USH2A: variants seen among roughly 807,000 people sequenced by gnomAD.
USH2A encodes the protein Usher syndrome 2A (autosomal recessive, mild).
A neutral mutation model predicts 538.9 loss-of-function variants in USH2A; 443 were observed. That is an observed-to-expected ratio of 0.82 (90% CI 0.76 to 0.89). The LOEUF is 0.89. USH2A is among the 40% of genes least tolerant of loss of function. The pLI is 0.00. For missense variants in USH2A, 6,633 were observed against 6,324.8 expected, an observed-to-expected ratio of 1.05 and a Z score of -1.65; for synonymous variants, 2,413 against 2,273.5, an observed-to-expected ratio of 1.06 and a Z score of -1.75.
intron 20 of USH2A, among the ~76,000 whole-genome samples, chr1:216,182,825 G>C (rs1017747674): frequency 6.6e-6 from 1 of 151,996 alleles, no homozygotes; most frequent in African/African-American, 2.4e-5. Flanking sequence ...TTTTCCAAAA[G>C]CTGCCAGATC....
intron 58 of USH2A, among the ~76,000 whole-genome samples, chr1:215,758,198 T>G (rs1006393179): frequency 2.0e-5 from 3 of 151,710 alleles, no homozygotes; most frequent in African/African-American, 7.3e-5. Flanking sequence ...AGGCAGGAGA[T>G]TTGTTTGAAC....
intron 35 of USH2A, among the ~76,000 whole-genome samples, chr1:215,979,162 C>T (rs945521724): frequency 6.6e-6 from 1 of 152,124 alleles, no homozygotes; most frequent in Non-Finnish European, 1.5e-5. Flanking sequence ...GGGAACTCCC[C>T]TTTATAAAAC....
At chr1:216,029,000 G>C (rs1669031567) in intron 32 of USH2A, among the ~76,000 whole-genome samples, 1 of 151,746 alleles carries the variant, frequency 6.6e-6, no homozygotes, top group Non-Finnish European at 1.5e-5. Flanking sequence ...ATAAAATTGT[G>C]GACAATTTGA....
intron 64 of USH2A, among the ~76,000 whole-genome samples, chr1:215,666,148 T>C (rs1321167077): frequency 6.6e-6 from 1 of 152,216 alleles, no homozygotes; most frequent in Non-Finnish European, 1.5e-5. Flanking sequence ...CTGGAAGCTA[T>C]GCTGAAATGA....
chr1:216,112,184 T>A (rs1402591887), intron 21 of USH2A, among the ~76,000 whole-genome samples: 1 of 152,084 alleles, frequency 6.6e-6, no homozygotes, highest in Non-Finnish European at 1.5e-5. Context: ...CTGGAATGAA[T>A]CCCCAAACAT....
intron 38 of USH2A, among the ~76,000 whole-genome samples, chr1:215,918,880 C>T (rs1334898258): frequency 6.6e-6 from 1 of 151,884 alleles, no homozygotes; most frequent in Non-Finnish European, 1.5e-5. Flanking sequence ...AATTATTATC[C>T]AGTATAGCAT....
intron 30 of USH2A, among the ~76,000 whole-genome samples, chr1:216,051,079 A>G (rs966844857): frequency 7.9e-5 from 12 of 151,716 alleles, no homozygotes; most frequent in Admixed American, 3.3e-4. Context: ...TGTTCCTCTC[A>G]CAGTCTCTTA....
intron 9 of USH2A, among the ~76,000 whole-genome samples, chr1:216,293,020 T>C (rs2037032286): frequency 1.3e-5 from 2 of 148,242 alleles, no homozygotes; most frequent in South Asian, 4.2e-4. Flanking sequence ...AACACAAGCA[T>C]CTTTTTTTTT....
intron 32 of USH2A, among the ~76,000 whole-genome samples, chr1:216,016,660 G>A (rs1173190500): frequency 2.6e-5 from 4 of 152,104 alleles, no homozygotes; most frequent in African/African-American, 9.7e-5. Context: ...TGTTATAAGC[G>A]CTTTGAGAAC....
chr1:216,200,042 A>ACCATGCACATTGGT lies in USH2A; in HGVS notation c.3382_3395dup (p.Ser1133ProfsTer10). The ACCATGCACATTGGT allele has an allele frequency of 6.2e-7, 1 of 1,613,956 alleles. No homozygotes were observed. The highest frequency in any genetic ancestry group is 8.5e-7 in the Non-Finnish European group (1 of 1,179,944). Reference sequence around the variant, plus strand: ...AAGTGACAGCTACACTCCTTGTTGAACCATGCACATTGGTGGTCTCAATGT... The same window carrying ACCATGCACATTGGT: ...AAGTGACAGCTACACTCCTTGTTGAACCATGCACATTGGTCCATGCACATTGGTGGTCTCAATGT... On this transcript the variant is annotated frameshift_variant, in exon 17 of 72. Transcript: ENST00000307340. LOFTEE classifies it high-confidence loss of function.
At chr1:216,409,435 C>G (rs999605377) in intron 3 of USH2A, among the ~76,000 whole-genome samples, 2 of 152,046 alleles carry the variant, frequency 1.3e-5, no homozygotes, top group Non-Finnish European at 2.9e-5. Context: ...GAATCCTACA[C>G]AAAAATAACA....
intron 3 of USH2A, among the ~76,000 whole-genome samples, chr1:216,412,556 G>A (rs2039505462): frequency 6.6e-6 from 1 of 151,898 alleles, no homozygotes; most frequent in African/African-American, 2.4e-5. Context: ...GTATCAATGA[G>A]GGGTATAGTT....
chr1:215,803,791 T>C (rs1007656009), intron 49 of USH2A, among the ~76,000 whole-genome samples: 12 of 152,074 alleles, frequency 7.9e-5, no homozygotes, highest in Non-Finnish European at 1.5e-4. Flanking sequence ...TACTTTAAAA[T>C]TCATATGGAC....
intron 47 of USH2A, among the ~76,000 whole-genome samples, chr1:215,820,984 C>G (rs1044119279): frequency 6.6e-6 from 1 of 151,750 alleles, no homozygotes; most frequent in African/African-American, 2.4e-5. Context: ...TTTATCCATT[C>G]ATTCATGATG....
intron 48 of USH2A, among the ~76,000 whole-genome samples, chr1:215,814,593 A>T (rs11120644): frequency 0.82 from 124,131 of 151,968 alleles, 51,371 homozygotes; most frequent in East Asian, 0.96. Flanking sequence ...GGTTTAAAAG[A>T]GTGTGGCAGC....
chr1:215,698,368 T>C (rs1658886140), intron 61 of USH2A, among the ~76,000 whole-genome samples: 1 of 152,212 alleles, frequency 6.6e-6, no homozygotes, highest in Non-Finnish European at 1.5e-5. Flanking sequence ...CAAATGGTAT[T>C]TCTGGGTCTA....
At chr1:216,099,557 G>A (rs745601277) in intron 21 of USH2A, among the ~76,000 whole-genome samples, 1 of 152,160 alleles carries the variant, frequency 6.6e-6, no homozygotes, top group Non-Finnish European at 1.5e-5. Context: ...ATGAAATGTA[G>A]GGAGGAGACG....
intron 43 of USH2A, among the ~76,000 whole-genome samples, chr1:215,874,098 T>G (rs1298649056): frequency 6.6e-6 from 1 of 152,166 alleles, no homozygotes; most frequent in Non-Finnish European, 1.5e-5. Flanking sequence ...GATTGATGCT[T>G]AAAATGAAGG....
chr1:216,211,741 G>T (rs1279427397), intron 15 of USH2A, among the ~76,000 whole-genome samples: 2 of 152,146 alleles, frequency 1.3e-5, no homozygotes, highest in Non-Finnish European at 2.9e-5. Flanking sequence ...CATGAGAAAA[G>T]AATTATTTCC....
Sources: allele counts gnomAD v4.1 joint callset (sites outside exome capture counted in the v4.1 genomes callset), GRCh38; gene constraint gnomAD v4.1.1; transcripts MANE v1.5; gene names NCBI Gene and HGNC (gene_info 2026-07-23, HGNC 2026-07-21).